The following CPLX2 variants were observed in gnomAD, a reference collection of about 807,000 sequenced individuals.
The protein encoded by CPLX2 is complexin-2.
In CPLX2, 5 loss-of-function variants were observed where a neutral mutation model predicts 16.3. The ratio of observed to expected loss-of-function variants is 0.31; its 90% CI spans 0.16 to 0.64. The LOEUF (loss-of-function observed/expected upper bound fraction) is 0.64. CPLX2 is among the 30% of genes least tolerant of loss of function. CPLX2 has a pLI of 0.79. For synonymous variants in CPLX2, 89 were observed against 73.2 expected, an observed-to-expected ratio of 1.22 and a Z score of -1.10; for missense variants, 144 against 181.4, an observed-to-expected ratio of 0.79 and a Z score of 1.18.
At chr5:175,823,434 G>A (rs921206349) in intron 2 of CPLX2, among the ~76,000 whole-genome samples, 22 of 152,162 alleles carry the variant, frequency 1.4e-4, no homozygotes, top group Non-Finnish European at 2.5e-4. Context: ...GATAATGAGT[G>A]GATGAAGGGA....
chr5:175,834,018 G>A (rs6887620), intron 2 of CPLX2, among the ~76,000 whole-genome samples: 42,166 of 152,110 alleles, frequency 0.28, 6,188 homozygotes, highest in Middle Eastern at 0.39. Context: ...CTGTTTTAGC[G>A]CAAGATTTTG....
At chr5:175,869,703 C>A (rs1459825829), upstream of CPLX2, among the ~76,000 whole-genome samples, 1 of 152,182 alleles carries the variant, frequency 6.6e-6, no homozygotes, top group Non-Finnish European at 1.5e-5. Context: ...ATCCTCAAAT[C>A]CTTCAACCTG....
chr5:175,865,617 G>A (rs12652846), intron 2 of CPLX2, among the ~76,000 whole-genome samples: 105,076 of 152,158 alleles, frequency 0.69, 36,883 homozygotes, highest in East Asian at 0.95. Context: ...GTGAATGTGT[G>A]TAATTGGTTG....
At chr5:175,853,640 A>G (rs928860416) in intron 2 of CPLX2, among the ~76,000 whole-genome samples, 7 of 152,142 alleles carry the variant, frequency 4.6e-5, no homozygotes, top group African/African-American at 1.7e-4. Context: ...ACTTGAACCC[A>G]TAAGAGGAGA....
At chr5:175,833,567 G>T (rs1758770503) in intron 2 of CPLX2, among the ~76,000 whole-genome samples, 1 of 152,186 alleles carries the variant, frequency 6.6e-6, no homozygotes, top group African/African-American at 2.4e-5. Context: ...ATGGAAATGG[G>T]GGGGCCTGGT....
At chr5:175,812,565 T>C (rs1401125963) in intron 2 of CPLX2, among the ~76,000 whole-genome samples, 1 of 152,130 alleles carries the variant, frequency 6.6e-6, no homozygotes, top group Admixed American at 6.5e-5. Flanking sequence ...GATTTCAAGG[T>C]GGCCAAGGTC....
At chr5:175,806,163 C>T (rs1315453987) in intron 1 of CPLX2, among the ~76,000 whole-genome samples, 36 of 151,612 alleles carry the variant, frequency 2.4e-4, no homozygotes, top group Admixed American at 2.4e-3. Context: ...TCCTCTAAGG[C>T]CCCTTCTAAA....
intron 2 of CPLX2, among the ~76,000 whole-genome samples, chr5:175,814,274 G>A (rs1305437715): frequency 6.6e-6 from 1 of 152,220 alleles, no homozygotes; most frequent in East Asian, 1.9e-4. Context: ...AAGAAGGAGG[G>A]AGATTGCTGG....
At chr5:175,871,468 A>AAAGAGAGAGAGAGAGAGG (rs1561790492), upstream of CPLX2, 6 of 148,068 alleles carry the variant, frequency 4.1e-5, no homozygotes, top group South Asian at 6.5e-4. Context: ...AGAGAGAGAG[A>AAAGAGAGAGAGAGAGAGG]GAGAGAGAGA....
At chr5:175,818,014 T>C (rs190934012) in intron 2 of CPLX2, among the ~76,000 whole-genome samples, 17 of 152,300 alleles carry the variant, frequency 1.1e-4, no homozygotes, top group Non-Finnish European at 1.8e-4. Context: ...GCACTCCCTG[T>C]TTCTCCACCC....
At chr5:175,876,402 G>C (rs932884324) in intron 1 of CPLX2, among the ~76,000 whole-genome samples, 2 of 152,148 alleles carry the variant, frequency 1.3e-5, no homozygotes, top group African/African-American at 4.8e-5. Flanking sequence ...AGAGTTATGG[G>C]GAAGAGACAG....
At chr5:175,877,820 C>G (rs748155881) in intron 1 of CPLX2, among the ~76,000 whole-genome samples, 6 of 151,982 alleles carry the variant, frequency 3.9e-5, no homozygotes, top group African/African-American at 9.7e-5. Context: ...TTTGGAGAAC[C>G]CTTCTGAGGC....
In CPLX2 at chr5:175,845,059, CA is replaced by C. The variant is rs954437004; in HGVS notation, c.-88-33592del. On this transcript the variant is annotated intron_variant, in intron 2 of 4. Coordinates refer to the CPLX2 transcript ENST00000359546. This position sits in a 1 kb window ranked among gnomAD's most constrained non-coding sequence, Gnocchi z 4.0. Reference sequence around the variant, plus strand: ...TAGAAGGGGAAGCCCCAGGCAGGCCCAGATGGTGACCCAAGAGAGCCTTCCG... The same window carrying C: ...TAGAAGGGGAAGCCCCAGGCAGGCCCGATGGTGACCCAAGAGAGCCTTCCG... 3.9e-5 allele frequency among the ~76,000 whole-genome samples: 6 copies of C among 152,308 alleles called. No individual in the cohort carries two copies. Among genetic ancestry groups the C allele is most frequent in the African/African-American group, 1.4e-4 (6 of 41,552 alleles).
chr5:175,849,117 T>C lies in CPLX2; in HGVS notation c.-88-29535T>C, dbSNP rs114711468. Among the ~76,000 whole-genome samples, 433 of 152,322 alleles carry C rather than the reference T, an allele frequency of 2.8e-3. 6 individuals carry two copies. Among genetic ancestry groups the C allele is most frequent in the African/African-American group, 0.01 (418 of 41,552 alleles). On this transcript the variant is annotated intron_variant, in intron 2 of 4. Coordinates refer to the CPLX2 transcript ENST00000359546. This position sits in a 1 kb window ranked among gnomAD's most constrained non-coding sequence, Gnocchi z 4.4. The stretch of plus-strand genomic sequence containing the variant: ...ATCCCTCCTCTGCTGTGGGAGGCTG[T>C]GCTGGTGTGTGTTTTTAACACCAGC...
intron 2 of CPLX2, among the ~76,000 whole-genome samples, chr5:175,828,394 C>A (rs982522681): frequency 1.3e-5 from 2 of 152,120 alleles, no homozygotes; most frequent in Admixed American, 1.3e-4. Context: ...GTGGAAGCAA[C>A]GCACGTTAGA....
At chr5:175,860,818 C>G (rs1230808868) in intron 2 of CPLX2, among the ~76,000 whole-genome samples, 4 of 152,086 alleles carry the variant, frequency 2.6e-5, no homozygotes. Flanking sequence ...TCAACCCCAC[C>G]CAAACCACAA....
chr5:175,871,468 A>AGAGAGAGAGAGG (rs1759614187), upstream of CPLX2: 1 of 148,072 alleles, frequency 6.8e-6, no homozygotes, highest in East Asian at 2.1e-4. Flanking sequence ...AGAGAGAGAG[A>AGAGAGAGAGAGG]GAGAGAGAGA....
At chr5:175,860,631 G>T (rs184139512) in intron 2 of CPLX2, among the ~76,000 whole-genome samples, 205 of 151,626 alleles carry the variant, frequency 1.4e-3, no homozygotes, top group Non-Finnish European at 2.0e-3. Context: ...AGGAAGGAAG[G>T]AAGGAAGGAA....
intron 1 of CPLX2, 135 bp from the exon 2 acceptor site, chr5:175,878,517 A>G (rs776056486): frequency 2.3e-5 from 14 of 598,532 alleles, no homozygotes; most frequent in Non-Finnish European, 4.2e-5. Context: ...TTTCTCCTCC[A>G]GCAGGGCATT....
Sources: allele counts gnomAD v4.1 joint callset (sites outside exome capture counted in the v4.1 genomes callset), GRCh38; gene constraint gnomAD v4.1.1; non-coding constraint Gnocchi (gnomAD v3.1); transcripts MANE v1.5; gene names NCBI Gene and HGNC (gene_info 2026-07-23, HGNC 2026-07-21).